ARPP21: variants seen among roughly 807,000 people sequenced by gnomAD.
ARPP21 encodes the protein cAMP regulated phosphoprotein 21.
A neutral mutation model predicts 113.2 loss-of-function variants in ARPP21; 69 were observed. The observed-to-expected ratio is 0.61, with a 90% confidence interval of 0.50 to 0.74. The LOEUF (loss-of-function observed/expected upper bound fraction) is 0.74. ARPP21 is among the 30% of genes least tolerant of loss of function. ARPP21 has a pLI of 0.00. For synonymous variants in ARPP21, 368 were observed against 375.5 expected (o/e 0.98, Z 0.23); for missense variants, 1,070 against 1,037.4 (o/e 1.03, Z -0.43).
At position 35,690,869 on chromosome 3, in the gene ARPP21, C is replaced by CA; in HGVS notation, c.551dup (p.His184GlnfsTer3). On this transcript the variant is annotated frameshift_variant, in exon 9 of 21. Transcript: ENST00000684406. LOFTEE classifies it high-confidence loss of function. ...TTTTCTTGAATTATGTTCTAGTAAT[C>CA]ATTATAAAAAGTTCCCTCAGATGTC... The CA allele has an allele frequency of 6.2e-7, 1 of 1,602,656 alleles. No homozygotes were observed. Among genetic ancestry groups the CA allele is most frequent in the South Asian group, 1.1e-5 (1 of 89,076 alleles).
At chr3:35,641,307 A>G (rs1033441215) in intron 1 of ARPP21, 1 of 152,240 alleles carries the variant, frequency 6.6e-6, no homozygotes, top group African/African-American at 2.4e-5. Context: ...TTTCATTCAA[A>G]TGCAGAATAA....
chr3:35,772,844 C>T lies in ARPP21; in HGVS notation c.2138-19538C>T, dbSNP rs188095757. ...GGGTTGATGCATTGATGTCAGCCTC[C>T]GAGCTCAGGGTGTGTGCCAGAGTCT... On this transcript the variant is annotated intron_variant, in intron 19 of 20. Transcript: ENST00000684406. Among the ~76,000 whole-genome samples, 515 of 152,278 alleles carry T rather than the reference C, an allele frequency of 3.4e-3. 3 individuals carry two copies. The highest frequency in any genetic ancestry group is 0.011 in the African/African-American group (447 of 41,564).
At chr3:35,747,696 G>T (rs1167280385) in intron 19 of ARPP21, among the ~76,000 whole-genome samples, 1 of 152,022 alleles carries the variant, frequency 6.6e-6, no homozygotes, top group Non-Finnish European at 1.5e-5. Context: ...AAAATCACGA[G>T]GATAAAGAAC....
chr3:35,768,079 CGTGT>C (rs5847897), intron 19 of ARPP21, among the ~76,000 whole-genome samples: 11,751 of 111,138 alleles, frequency 0.11, 501 homozygotes, highest in Middle Eastern at 0.14. Context: ...CATGCTTTTC[CGTGT>C]GTGTGTGTGT....
intron 19 of ARPP21, among the ~76,000 whole-genome samples, chr3:35,756,071 A>G (rs1160152313): frequency 6.6e-6 from 1 of 152,028 alleles, no homozygotes; most frequent in Non-Finnish European, 1.5e-5. Flanking sequence ...GCATGGGCTC[A>G]TTTTACTCAT....
intron 19 of ARPP21, among the ~76,000 whole-genome samples, chr3:35,774,321 A>T (rs1418116678): frequency 1.3e-5 from 2 of 152,182 alleles, no homozygotes; most frequent in Non-Finnish European, 2.9e-5. Flanking sequence ...GACAAAATTT[A>T]TACTTTGGGA....
intron 19 of ARPP21, among the ~76,000 whole-genome samples, chr3:35,769,010 T>C (rs906647824): frequency 6.6e-6 from 1 of 152,182 alleles, no homozygotes; most frequent in Non-Finnish European, 1.5e-5. Flanking sequence ...TGATTATCAA[T>C]AATCCTTGAA....
At chr3:35,765,938 A>G (rs1296596234) in intron 19 of ARPP21, among the ~76,000 whole-genome samples, 1 of 152,318 alleles carries the variant, frequency 6.6e-6, no homozygotes, top group East Asian at 1.9e-4. Flanking sequence ...GATTAAATAC[A>G]GTAATGCAAG....
chr3:35,726,683 T>G (rs2093565028), intron 14 of ARPP21, among the ~76,000 whole-genome samples: 1 of 152,192 alleles, frequency 6.6e-6, no homozygotes, highest in African/African-American at 2.4e-5. Flanking sequence ...TTGGATTGGA[T>G]TGTGACACTT....
chr3:35,723,443 T>C (rs566440010), intron 14 of ARPP21, among the ~76,000 whole-genome samples: 1 of 152,338 alleles, frequency 6.6e-6, no homozygotes, highest in South Asian at 2.1e-4. Context: ...CTGCAATTTT[T>C]ATTCACTAAT....
At chr3:35,739,705 C>G in intron 18 of ARPP21, 128 bp downstream of exon 18, 1 of 1,256,886 alleles carries the variant, frequency 8.0e-7, no homozygotes, top group Non-Finnish European at 1.1e-6. Flanking sequence ...ATATTCCTCA[C>G]CAACAGGAAG....
intron 1 of ARPP21, among the ~76,000 whole-genome samples, chr3:35,667,067 T>G (rs2074561015): frequency 6.6e-6 from 1 of 152,134 alleles, no homozygotes; most frequent in South Asian, 2.1e-4. Flanking sequence ...ACCCCTAGAG[T>G]GAAATATTTG....
At chr3:35,786,607 C>T (rs923151533) in intron 19 of ARPP21, among the ~76,000 whole-genome samples, 3 of 151,674 alleles carry the variant, frequency 2.0e-5, no homozygotes, top group Non-Finnish European at 2.9e-5. Flanking sequence ...GAAAGAGTCA[C>T]ACCTTGTTTA....
intron 9 of ARPP21, among the ~76,000 whole-genome samples, chr3:35,698,235 A>T (rs760030413): frequency 1.3e-5 from 2 of 151,648 alleles, no homozygotes; most frequent in Admixed American, 6.6e-5. Context: ...TATTTTCTCC[A>T]TATTATTATT....
Position 35,741,009 on chromosome 3 carries a change from G to A in ARPP21, c.2010+1432G>A, listed in dbSNP as rs1212927576. ...CCTACCTATTTGGGAGGCTGAGGTG[G>A]GAGAATCGCTTGAGCCTGGGATGTC... On this transcript the variant is annotated intron_variant, in intron 18 of 20. Transcript: ENST00000684406. Among the ~76,000 whole-genome samples, 6 of 152,046 alleles carry A rather than the reference G, an allele frequency of 3.9e-5. 1 individual carries two copies. The highest frequency in any genetic ancestry group is 6.8e-3 in the Middle Eastern group (2 of 294).
intron 18 of ARPP21, among the ~76,000 whole-genome samples, chr3:35,743,435 T>A (rs2094801747): frequency 6.6e-6 from 1 of 152,194 alleles, no homozygotes. Context: ...CTTACATGCC[T>A]GGAACTGGAG....
At chr3:35,758,404 A>G (rs1207793220) in intron 19 of ARPP21, among the ~76,000 whole-genome samples, 1 of 152,064 alleles carries the variant, frequency 6.6e-6, no homozygotes, top group African/African-American at 2.4e-5. Context: ...GGACAATGCC[A>G]TAGAAGTTTC....
chr3:35,705,052 A>G (rs2149945260), intron 9 of ARPP21, among the ~76,000 whole-genome samples: 1 of 152,280 alleles, frequency 6.6e-6, no homozygotes, highest in African/African-American at 2.4e-5. Context: ...AAATTTCTGT[A>G]AATTTAGAAG....
intron 19 of ARPP21, among the ~76,000 whole-genome samples, chr3:35,746,611 T>A (rs181020733): frequency 5.8e-4 from 89 of 152,326 alleles, no homozygotes; most frequent in African/African-American, 1.8e-3. Flanking sequence ...GATCTGACCC[T>A]TTTCCATCTT....
Sources: allele counts gnomAD v4.1 joint callset (sites outside exome capture counted in the v4.1 genomes callset), GRCh38; gene constraint gnomAD v4.1.1; transcripts MANE v1.5; gene names NCBI Gene and HGNC (gene_info 2026-07-23, HGNC 2026-07-21).